The following FNDC3A variants were observed in gnomAD, a reference collection of about 807,000 sequenced individuals.
FNDC3A encodes the protein fibronectin type III domain containing 3A.
FNDC3A carries 32 observed loss-of-function variants against 148.9 expected under a neutral mutation model. The ratio of observed to expected loss-of-function variants is 0.21; its 90% CI spans 0.16 to 0.29. The LOEUF is 0.29. Ranked by LOEUF, FNDC3A falls within the 10% of genes least tolerant of loss-of-function variation. The pLI, the probability that FNDC3A is intolerant of heterozygous loss-of-function variation, is 1.00. For missense variants in FNDC3A, 1,191 were observed against 1,452.8 expected, an observed-to-expected ratio of 0.82 and a Z score of 2.93; for synonymous variants, 472 against 473.6, an observed-to-expected ratio of 1.00 and a Z score of 0.04.
chr13:49,147,877 T>C, intron 8 of FNDC3A, among the ~76,000 whole-genome samples: 1 of 152,208 alleles, frequency 6.6e-6, no homozygotes, highest in East Asian at 1.9e-4. Flanking sequence ...TTTCTCTGCA[T>C]CCTCACCAGC....
At chr13:49,162,914 C>G (rs1414805632) in intron 8 of FNDC3A, among the ~76,000 whole-genome samples, 1 of 106 alleles carries the variant, frequency 9.4e-3, no homozygotes, top group Admixed American at 0.12. Context: ...CACTCCAGAC[C>G]CTGTTGCCTA....
chr13:49,102,215 C>A (rs1436338442), intron 3 of FNDC3A, among the ~76,000 whole-genome samples: 4 of 151,458 alleles, frequency 2.6e-5, no homozygotes, highest in Non-Finnish European at 5.9e-5. Flanking sequence ...TTCAATTTAT[C>A]ATGGCTTGTG....
At chr13:49,074,778 G>T (rs1877983025) in intron 2 of FNDC3A, among the ~76,000 whole-genome samples, 1 of 151,926 alleles carries the variant, frequency 6.6e-6, no homozygotes. Flanking sequence ...CCAGTTTCCT[G>T]TTTTTTCTCT....
chr13:49,139,853 T>C (rs761666532), intron 7 of FNDC3A, among the ~76,000 whole-genome samples: 3 of 152,184 alleles, frequency 2.0e-5, no homozygotes, highest in African/African-American at 7.2e-5. Flanking sequence ...ATGAGGAAAC[T>C]GAAGCAACAG....
At chr13:49,050,891 A>G (rs979077584) in intron 2 of FNDC3A, among the ~76,000 whole-genome samples, 2 of 152,180 alleles carry the variant, frequency 1.3e-5, no homozygotes, top group Non-Finnish European at 2.9e-5. Context: ...TTATCATTAT[A>G]TAATGTCTCT....
chr13:49,076,777 A>ATAACTAC (rs1188712771), intron 3 of FNDC3A, among the ~76,000 whole-genome samples: 1 of 152,100 alleles, frequency 6.6e-6, no homozygotes, highest in Non-Finnish European at 1.5e-5. Context: ...CATTTACCAA[A>ATAACTAC]TAACTACACC....
chr13:49,165,668 G>A (rs971850526), intron 8 of FNDC3A, among the ~76,000 whole-genome samples: 3 of 152,178 alleles, frequency 2.0e-5, no homozygotes, highest in Non-Finnish European at 4.4e-5. Context: ...GCTTGCTCAG[G>A]TGCTAGTAGT....
At chr13:49,180,928 A>G (rs1044037720) in intron 14 of FNDC3A, among the ~76,000 whole-genome samples, 4 of 152,054 alleles carry the variant, frequency 2.6e-5, no homozygotes, top group Admixed American at 6.6e-5. Context: ...TCTATTTAAA[A>G]GCCACCAGGC....
chr13:49,060,459 C>A (rs1386096340), intron 2 of FNDC3A, among the ~76,000 whole-genome samples: 1 of 152,026 alleles, frequency 6.6e-6, no homozygotes, highest in Non-Finnish European at 1.5e-5. Flanking sequence ...GCCTGGCCAA[C>A]ATGGTGAAAC....
intron 17 of FNDC3A, 93 bp from the exon 18 acceptor site, chr13:49,190,922 A>G (rs957518463): frequency 1.4e-4 from 107 of 749,592 alleles, no homozygotes; most frequent in Middle Eastern, 1.2e-3. Context: ...TATCAGTGCA[A>G]TATTTGTGTT....
At chr13:49,016,383 A>T (rs1233646231) in intron 2 of FNDC3A, among the ~76,000 whole-genome samples, 1 of 151,938 alleles carries the variant, frequency 6.6e-6, no homozygotes, top group African/African-American at 2.4e-5. Flanking sequence ...TTTCTAGTTT[A>T]TTTGCGTAGA....
intron 2 of FNDC3A, among the ~76,000 whole-genome samples, chr13:49,075,007 T>G (rs996998720): frequency 6.6e-6 from 1 of 152,202 alleles, no homozygotes; most frequent in Non-Finnish European, 1.5e-5. Context: ...TATTCTGTGG[T>G]TTGACTCCAT....
intron 3 of FNDC3A, among the ~76,000 whole-genome samples, chr13:49,101,794 G>GTTTTTTTTTT (rs570292116): frequency 9.7e-6 from 1 of 103,374 alleles, no homozygotes; most frequent in African/African-American, 3.6e-5. Context: ...ACCTGCTTTA[G>GTTTTTTTTTT]TTTTTTTTTT....
chr13:49,059,582 A>G (rs1876507687), intron 2 of FNDC3A, among the ~76,000 whole-genome samples: 2 of 152,042 alleles, frequency 1.3e-5, no homozygotes, highest in Admixed American at 1.3e-4. Context: ...CAGCCTCCCA[A>G]GTGGCTGGGA....
chr13:49,172,219 G>A (rs562834567), intron 11 of FNDC3A, 123 bp downstream of exon 11: 5 of 600,940 alleles, frequency 8.3e-6, no homozygotes, highest in African/African-American at 1.9e-5. Context: ...GAATGATTTT[G>A]TGTGGTGCAT....
chr13:49,054,679 A>G (rs1876097629), intron 2 of FNDC3A, among the ~76,000 whole-genome samples: 1 of 152,218 alleles, frequency 6.6e-6, no homozygotes, highest in Admixed American at 6.5e-5. Flanking sequence ...TGACATATAT[A>G]CAACATAGCC....
intron 23 of FNDC3A, chr13:49,201,146 A>G: frequency 3.3e-6 from 1 of 299,318 alleles, no homozygotes; most frequent in Non-Finnish European, 6.7e-6. Context: ...CATCCAATCA[A>G]AAATAATGGG....
intron 2 of FNDC3A, among the ~76,000 whole-genome samples, chr13:49,010,982 T>C (rs1952330808): frequency 6.6e-6 from 1 of 152,222 alleles, no homozygotes; most frequent in Non-Finnish European, 1.5e-5. Flanking sequence ...TTTGTTCTTT[T>C]TAGTTTTCAG....
intron 3 of FNDC3A, among the ~76,000 whole-genome samples, chr13:49,083,179 G>A (rs774029234): frequency 6.6e-6 from 1 of 152,078 alleles, no homozygotes; most frequent in Non-Finnish European, 1.5e-5. Context: ...CAGGAATTTT[G>A]TAGCCACCCA....
Sources: gnomAD v4.1 joint callset for allele counts (sites outside exome capture counted in the v4.1 genomes callset) on GRCh38, gnomAD v4.1.1 for gene constraint, MANE v1.5 for transcripts, NCBI Gene and HGNC (gene_info 2026-07-23, HGNC 2026-07-21) for gene names.